Variants in AFDN observed in about 807,000 individuals in gnomAD.
The protein encoded by AFDN is afadin, adherens junction formation factor.
Under a neutral mutation model 216.6 loss-of-function variants are expected in AFDN, and 68 were observed. That is an observed-to-expected ratio of 0.31 (90% CI 0.26 to 0.38). AFDN has a LOEUF of 0.38. Ranked by LOEUF, AFDN falls within the 10% of genes least tolerant of loss-of-function variation. AFDN has a pLI of 1.00. For missense variants in AFDN, 2,136 were observed against 2,342.0 expected (o/e 0.91, Z 1.82); for synonymous variants, 868 against 853.7 (o/e 1.02, Z -0.29).
At chr6:167,847,061 C>A (rs566808253) in intron 1 of AFDN, among the ~76,000 whole-genome samples, 1 of 151,840 alleles carries the variant, frequency 6.6e-6, no homozygotes, top group African/African-American at 2.4e-5. Flanking sequence ...GCTTTTTTAC[C>A]GTAAGTGGGA....
intron 27 of AFDN, among the ~76,000 whole-genome samples, chr6:167,947,401 G>A (rs184446412): frequency 1.8e-4 from 28 of 152,166 alleles, no homozygotes; most frequent in East Asian, 5.8e-4. Context: ...GGATGGTCTC[G>A]ATCTCCTGAC....
chr6:167,863,738 C>G, intron 1 of AFDN: 1 of 516,782 alleles, frequency 1.9e-6, no homozygotes, highest in Non-Finnish European at 3.9e-6. Flanking sequence ...GCCCACATTG[C>G]AGTAGATGAT....
chr6:167,846,144 G>A (rs966248273), intron 1 of AFDN, among the ~76,000 whole-genome samples: 4 of 151,840 alleles, frequency 2.6e-5, no homozygotes, highest in East Asian at 1.9e-4. Context: ...GAGTTACAGC[G>A]GATAGCTTGG....
Position 167,904,844 on chromosome 6 carries a change from A to G in AFDN, c.1651-2327A>G, listed in dbSNP as rs372159982. 2.6e-4 allele frequency among the ~76,000 whole-genome samples: 40 copies of G among 152,214 alleles called. 1 individual carries two copies. In the East Asian group the frequency reaches 7.7e-3, roughly 29 times the overall value. ...CTACCCAGCTCATCATTCTCCTCAC[A>G]TTTAAAAAATGTAAATTAGATTCTA... On this transcript the variant is annotated intron_variant, in intron 12 of 33. Transcript: ENST00000683244.
chr6:167,908,600 C>T (rs1225774007), intron 13 of AFDN, among the ~76,000 whole-genome samples: 2 of 151,938 alleles, frequency 1.3e-5, no homozygotes, highest in Admixed American at 6.6e-5. Flanking sequence ...TGAATTCGCA[C>T]GAGGGAGTGG....
chr6:167,868,710 T>C (rs947636743), intron 2 of AFDN, among the ~76,000 whole-genome samples: 1 of 151,918 alleles, frequency 6.6e-6, no homozygotes, highest in African/African-American at 2.4e-5. Context: ...TCATTTATCA[T>C]TGGCCGAGTT....
At chr6:167,826,877 G>GGCGGGT (rs1262695647), upstream of AFDN, 3 of 145,062 alleles carry the variant, frequency 2.1e-5, no homozygotes, top group East Asian at 2.0e-4. Context: ...GCGGGGCGCG[G>GGCGGGT]GCGGGTGCGG....
intron 6 of AFDN, among the ~76,000 whole-genome samples, chr6:167,887,508 T>G (rs1313008702): frequency 2.0e-5 from 3 of 150,972 alleles, no homozygotes; most frequent in Non-Finnish European, 4.4e-5. Context: ...CAGGCTGGAG[T>G]GCAATGGCAC....
chr6:167,960,103 T>C (rs1044373063), intron 30 of AFDN, among the ~76,000 whole-genome samples: 6 of 152,220 alleles, frequency 3.9e-5, no homozygotes, highest in African/African-American at 1.4e-4. Flanking sequence ...TTATTTTGAG[T>C]AAATTAAGAG....
rs2034497938 is a variant in AFDN at position 167,886,753 on chromosome 6, GT to G, written c.898-2461del. Among the ~76,000 whole-genome samples, 4 of 152,236 alleles carry G rather than the reference GT, an allele frequency of 2.6e-5. No individual in the cohort carries two copies. The South Asian group carries it at 8.3e-4, about 32-fold the overall frequency. On this transcript the variant is annotated intron_variant, in intron 6 of 33. Transcript: ENST00000683244. ...TTAGTAAAACAGCAGTGTACATAGG[GT>G]CTGTACTACTGAACAGACGCCTGAT... is the stretch of plus-strand genomic sequence containing the variant.
chr6:167,834,890 G>T (rs558662224), intron 1 of AFDN, among the ~76,000 whole-genome samples: 10 of 152,210 alleles, frequency 6.6e-5, no homozygotes, highest in Admixed American at 2.6e-4. Context: ...GCTGAGGCAG[G>T]ACGATTGCTT....
chr6:167,924,625 T>A (rs141444621), intron 22 of AFDN, among the ~76,000 whole-genome samples: 1 of 152,348 alleles, frequency 6.6e-6, no homozygotes, highest in Non-Finnish European at 1.5e-5. Flanking sequence ...CATTTCTTCT[T>A]TGAAAACACA....
At chr6:167,927,933 C>T (rs1290051502) in intron 23 of AFDN, among the ~76,000 whole-genome samples, 1 of 152,186 alleles carries the variant, frequency 6.6e-6, no homozygotes, top group African/African-American at 2.4e-5. Context: ...ACAAATTACC[C>T]TACTGTACTC....
chr6:167,967,289 C>T (rs963738483), intron 32 of AFDN, among the ~76,000 whole-genome samples: 5 of 152,166 alleles, frequency 3.3e-5, no homozygotes, highest in African/African-American at 1.2e-4. Context: ...TTCTAAGAGT[C>T]AGTGTAACTG....
At position 167,864,619 on chromosome 6, in the gene AFDN, A is replaced by G; in HGVS notation, c.174A>G (p.Lys58=). 6.2e-7 allele frequency: 1 copy of G among 1,614,182 alleles called. No individual in the cohort carries two copies. The highest frequency in any genetic ancestry group is 8.5e-7 in the Non-Finnish European group (1 of 1,180,030). The change falls in exon 2 of 34, where the codon AAA becomes AAG. Residue 58 remains lysine (K), a synonymous_variant. Transcript: ENST00000683244. ...AAGCTGCTGGAAACTTTGCAACAAA[A>G]TGTATTCGGGTCTCTAGTACTGCCA... ...QDKAAGNFAT[K]CIRVSSTATT...
chr6:167,835,289 A>G (rs1241024061), intron 1 of AFDN, among the ~76,000 whole-genome samples: 1 of 152,256 alleles, frequency 6.6e-6, no homozygotes, highest in African/African-American at 2.4e-5. Flanking sequence ...CATAGGCAGC[A>G]CTTGAAGAGA....
At chr6:167,847,745 A>T (rs916330684) in intron 1 of AFDN, among the ~76,000 whole-genome samples, 1 of 151,992 alleles carries the variant, frequency 6.6e-6, no homozygotes, top group Non-Finnish European at 1.5e-5. Context: ...GTAACCTCTT[A>T]CTTAGTCTTA....
In AFDN at chr6:167,952,026, G is replaced by T. The variant is rs150082840; in HGVS notation, c.4672G>T (p.Ala1558Ser). 8 of 1,614,190 alleles carry T rather than the reference G, an allele frequency of 5.0e-6. No homozygotes were observed. Among genetic ancestry groups the T allele is most frequent in the Non-Finnish European group, 6.8e-6 (8 of 1,180,042 alleles). Reference sequence around the variant, plus strand: ...GCTCCAGAGCAAACCGGACCGCAGCGCCGAGGAGAGCGACCGGCTGCGCAA... The same window carrying T: ...GCTCCAGAGCAAACCGGACCGCAGCTCCGAGGAGAGCGACCGGCTGCGCAA... ...QELQSKPDRSAEESDRLRKLM... is the reference protein window; with the variant it reads ...QELQSKPDRSSEESDRLRKLM... The change falls in exon 30 of 34, where the codon GCC becomes TCC. Residue 1558 changes from alanine to serine, a missense_variant. Physicochemically the swap from Ala to Ser is moderately conservative, Grantham distance 99. Coordinates refer to ENST00000683244, the MANE Select transcript of AFDN (RefSeq NM_001386888.1).
At chr6:167,838,300 C>T (rs555456894) in intron 1 of AFDN, among the ~76,000 whole-genome samples, 1 of 136,286 alleles carries the variant, frequency 7.3e-6, no homozygotes, top group East Asian at 2.2e-4. Context: ...TTGTGGAGAT[C>T]GTTGTGCCTG....
Sources: allele counts gnomAD v4.1 joint callset (sites outside exome capture counted in the v4.1 genomes callset), GRCh38; gene constraint gnomAD v4.1.1; transcripts MANE v1.5; gene names NCBI Gene and HGNC (gene_info 2026-07-23, HGNC 2026-07-21).